The following FBXO11 variants were observed in gnomAD, a reference collection of about 807,000 sequenced individuals.
The protein encoded by FBXO11 is F-box only protein 11.
In FBXO11, 13 loss-of-function variants were observed where a neutral mutation model predicts 117.0. The observed-to-expected ratio is 0.11, with a 90% CI of 0.07 to 0.18. The LOEUF (loss-of-function observed/expected upper bound fraction) is 0.18, where lower values mean the gene tolerates loss of function less well. Among genes scored for constraint, FBXO11 ranks in the 10% least tolerant of loss-of-function variants. The pLI is 1.00. For synonymous variants in FBXO11, 490 were observed against 380.5 expected, an observed-to-expected ratio of 1.29 and a Z score of -3.35; for missense variants, 767 against 1,164.4, an observed-to-expected ratio of 0.66 and a Z score of 4.97.
chr2:47,894,633 T>A (rs1387215810), intron 1 of FBXO11, among the ~76,000 whole-genome samples: 1 of 152,204 alleles, frequency 6.6e-6, no homozygotes, highest in Non-Finnish European at 1.5e-5. Flanking sequence ...CAAAGTGATA[T>A]TAAGTTAGTG....
chr2:47,905,674 C>A lies in FBXO11; in HGVS notation c.47G>T (p.Arg16Leu). ...AANRRPRRVS[R>L]PRPVQQQQQQ... ...CTGCTGTTGCTGCACCGGGCGCGGC[C>A]GCGACACTCGCCTGGGTCTCCGGTT... Residue 16 changes from arginine (R) to leucine (L), a missense_variant, in exon 1 of 23, where the codon CGG (arginine) becomes CTG (leucine). By Grantham distance (102) the Arg-to-Leu change is moderately radical (BLOSUM62 -2). Around this residue, in one of 10 missense-constraint regions of FBXO11, gnomAD observed 355 missense variants for 299.8 expected, o/e 1.18. Coordinates refer to ENST00000403359, the MANE Select transcript of FBXO11 (RefSeq NM_001190274.2). 1.3e-6 allele frequency: 2 copies of A among 1,504,752 alleles called. No homozygotes were observed. Among genetic ancestry groups the A allele is most frequent in the South Asian group, 1.2e-5 (1 of 81,788 alleles). 93.2% of individuals were successfully genotyped at this position (1,504,752 alleles called of 1,614,324 possible).
intron 1 of FBXO11, among the ~76,000 whole-genome samples, chr2:47,877,462 T>C (rs547649366): frequency 2.0e-4 from 30 of 152,338 alleles, no homozygotes; most frequent in African/African-American, 7.2e-4. Context: ...TATTTCTGTA[T>C]CAGTACACAG....
rs907085332 is a variant in FBXO11, at chr2:47,807,754, G to A, written c.*364C>T. ...GCAATTGGTACCCATGTCCATAAAG[G>A]CAGCAACAAAGCTGCTTGTCTATTG... On this transcript the variant is annotated 3_prime_UTR_variant, in exon 23 of 23. Coordinates refer to ENST00000403359, the MANE Select transcript of FBXO11 (RefSeq NM_001190274.2). 1.6e-5 allele frequency: 4 copies of A among 245,762 alleles called. No homozygotes were observed. The highest frequency in any genetic ancestry group is 3.2e-5 in the Non-Finnish European group (4 of 125,136). The allele number at this position is 245,762 out of a possible 1,614,324, so 15.2% of individuals were successfully genotyped here.
At chr2:47,878,903 G>T (rs1465807714) in intron 1 of FBXO11, among the ~76,000 whole-genome samples, 1 of 151,880 alleles carries the variant, frequency 6.6e-6, no homozygotes, top group Non-Finnish European at 1.5e-5. Context: ...CACTTGAATT[G>T]GGGAGGCAGA....
At chr2:47,825,533 A>T (rs1030918940) in intron 11 of FBXO11, among the ~76,000 whole-genome samples, 1 of 147,738 alleles carries the variant, frequency 6.8e-6, no homozygotes, top group Non-Finnish European at 1.5e-5. Context: ...CTCTGCCAAG[A>T]GTTGAATGAC....
At chr2:47,875,618 T>C (rs1424533960) in intron 1 of FBXO11, among the ~76,000 whole-genome samples, 1 of 152,006 alleles carries the variant, frequency 6.6e-6, no homozygotes, top group Non-Finnish European at 1.5e-5. Flanking sequence ...GGATGTTAGG[T>C]TTATAAAAAA....
At chr2:47,886,369 G>T (rs556617327) in intron 1 of FBXO11, among the ~76,000 whole-genome samples, 2 of 152,072 alleles carry the variant, frequency 1.3e-5, no homozygotes, top group Non-Finnish European at 2.9e-5. Flanking sequence ...AGCAGGGCAT[G>T]GTGGCGTGTG....
At chr2:47,822,742 C>T (rs1019743634) in intron 12 of FBXO11, among the ~76,000 whole-genome samples, 6 of 152,120 alleles carry the variant, frequency 3.9e-5, no homozygotes, top group Non-Finnish European at 8.8e-5. Flanking sequence ...TAATTTTAGT[C>T]TTTCTGGCCA....
At chr2:47,813,058 G>A (rs1005061001) in intron 18 of FBXO11, 176 bp downstream of exon 18, 3 of 663,776 alleles carry the variant, frequency 4.5e-6, no homozygotes, top group Non-Finnish European at 8.0e-6. Flanking sequence ...GAAAAGTATT[G>A]TAAACATTTG....
chr2:47,831,548 A>G (rs918800614), intron 11 of FBXO11, among the ~76,000 whole-genome samples: 5 of 151,930 alleles, frequency 3.3e-5, no homozygotes, highest in Non-Finnish European at 7.4e-5. Flanking sequence ...CCATAATCCT[A>G]TTTGCTACAA....
intron 1 of FBXO11, among the ~76,000 whole-genome samples, chr2:47,861,410 C>G (rs904339629): frequency 1.3e-5 from 2 of 151,536 alleles, no homozygotes; most frequent in African/African-American, 4.9e-5. Flanking sequence ...CCTCGATCTC[C>G]TGGGCTCAAG....
At chr2:47,815,044 C>G (rs1048905860) in intron 16 of FBXO11, among the ~76,000 whole-genome samples, 1 of 152,202 alleles carries the variant, frequency 6.6e-6, no homozygotes, top group African/African-American at 2.4e-5. Flanking sequence ...TTCTACTTCT[C>G]TTGCAATTTC....
intron 1 of FBXO11, among the ~76,000 whole-genome samples, chr2:47,874,669 G>A (rs139058653): frequency 0.015 from 2,346 of 152,098 alleles, 29 homozygotes; most frequent in Non-Finnish European, 0.026. Context: ...TGAGTAGCTG[G>A]GACTACAGGC....
Position 47,839,296 on chromosome 2 carries a change from T to G in FBXO11, c.442+123A>C, listed in dbSNP as rs1672839274. 3 of 909,178 alleles carry G rather than the reference T, an allele frequency of 3.3e-6. No homozygotes were observed. The African/African-American group carries it at 5.1e-5, about 15-fold the overall frequency. The allele number at this position is 909,178 out of a possible 1,614,324, so 56.3% of individuals were successfully genotyped here. A position where few individuals can be genotyped will look rare whatever the true frequency, so the allele number is the denominator to read the frequency against. On this transcript the variant is annotated intron_variant, in intron 3 of 22. Transcript: ENST00000403359. ...GAGGTCAGGGTTCTAAAGTTTATTCTGTAATAATCACTTTCTGAATCCCAA... is the reference window on the plus strand; with the variant it reads ...GAGGTCAGGGTTCTAAAGTTTATTCGGTAATAATCACTTTCTGAATCCCAA...
chr2:47,844,550 T>C (rs1353795434), intron 1 of FBXO11, among the ~76,000 whole-genome samples: 2 of 152,258 alleles, frequency 1.3e-5, no homozygotes, highest in Non-Finnish European at 2.9e-5. Context: ...ACTGTTCTGA[T>C]TTTATTTCTC....
chr2:47,901,423 T>G (rs904869290), intron 1 of FBXO11, among the ~76,000 whole-genome samples: 1 of 151,964 alleles, frequency 6.6e-6, no homozygotes, highest in Admixed American at 6.6e-5. Flanking sequence ...AACTCCCATG[T>G]CAAGATTATT....
Position 47,807,294 on chromosome 2 carries a change from A to T in FBXO11, c.*824T>A, listed in dbSNP as rs1217950057. ...ACTTTCTAAAGTGTACTTAAAACAT[A>T]GTAGTTTTTTACCTTTCACAAAACT... On this transcript the variant is annotated 3_prime_UTR_variant, in exon 23 of 23. Coordinates refer to ENST00000403359, the MANE Select transcript of FBXO11 (RefSeq NM_001190274.2). 2.3e-5 allele frequency: 5 copies of T among 218,270 alleles called. No individual in the cohort carries two copies. The highest frequency in any genetic ancestry group is 4.6e-5 in the Non-Finnish European group (5 of 108,600). The allele number at this position is 218,270 out of a possible 1,614,324, so 13.5% of individuals were successfully genotyped here. A position where few individuals can be genotyped will look rare whatever the true frequency, so the allele number is the denominator to read the frequency against.
At chr2:47,828,482 T>C (rs1671929519) in intron 11 of FBXO11, among the ~76,000 whole-genome samples, 1 of 151,964 alleles carries the variant, frequency 6.6e-6, no homozygotes, top group African/African-American at 2.4e-5. Flanking sequence ...CTGGCAGGCA[T>C]CTGTACTCCC....
At chr2:47,823,423 TAA>T (rs1378237029) in intron 11 of FBXO11, 63 bp from the exon 12 acceptor site, 14 of 1,232,350 alleles carry the variant, frequency 1.1e-5, no homozygotes, top group Non-Finnish European at 1.6e-5. Flanking sequence ...AAATGCCATT[TAA>T]AAAACATTTC....
Sources: gnomAD v4.1 joint callset for allele counts (sites outside exome capture counted in the v4.1 genomes callset) on GRCh38, gnomAD v4.1.1 for gene constraint, gnomAD v4.1.1 regional missense constraint, MANE v1.5 for transcripts, NCBI Gene and HGNC (gene_info 2026-07-23, HGNC 2026-07-21) for gene names.